PGAP1: variants seen among roughly 807,000 people sequenced by gnomAD.
PGAP1 encodes GPI inositol-deacylase.
A neutral mutation model predicts 127.0 loss-of-function variants in PGAP1; 76 were observed. That is an observed-to-expected ratio of 0.60 (90% CI 0.50 to 0.72). The LOEUF is 0.72. Among genes scored for constraint, PGAP1 ranks in the 30% least tolerant of loss-of-function variants. The probability of loss-of-function intolerance (pLI) is 0.00; values close to 1 mark genes in which losing one functional copy is unlikely to be tolerated. For synonymous variants in PGAP1, 362 were observed against 366.5 expected, an observed-to-expected ratio of 0.99 and a Z score of 0.14; for missense variants, 982 against 1,071.3, an observed-to-expected ratio of 0.92 and a Z score of 1.16.
At chr2:196,859,681 T>A (rs1325522878) in intron 20 of PGAP1, among the ~76,000 whole-genome samples, 1 of 152,230 alleles carries the variant, frequency 6.6e-6, no homozygotes, top group African/African-American at 2.4e-5. Flanking sequence ...TGAAGTGGGA[T>A]TCATCCTAGG....
chr2:196,915,035 A>G (rs1299843611), intron 3 of PGAP1, among the ~76,000 whole-genome samples: 3 of 152,124 alleles, frequency 2.0e-5, no homozygotes, highest in Admixed American at 1.3e-4. Context: ...CTAGGCTACA[A>G]TGGTCAATTA....
At chr2:196,922,015 T>A (rs1264095642) in intron 1 of PGAP1, 3 of 447,518 alleles carry the variant, frequency 6.7e-6, no homozygotes, top group African/African-American at 2.2e-5. Flanking sequence ...AGGAAAATAC[T>A]TACAGGAGCA....
intron 16 of PGAP1, 92 bp from the exon 17 acceptor site, chr2:196,873,118 C>T: frequency 2.0e-6 from 1 of 488,858 alleles, no homozygotes; most frequent in South Asian, 3.9e-5. Flanking sequence ...ATACAATTGT[C>T]CATTTCATTA....
rs1702306920 is a variant in PGAP1 at position 196,897,151 on chromosome 2, T to C, written c.907A>G (p.Ile303Val). The change falls in exon 7 of 27, where the codon ATT becomes GTT. Residue 303 changes from isoleucine (I) to valine (V), a missense_variant. By Grantham distance (29) the Ile-to-Val change is conservative. Transcript: ENST00000354764. ...CATACTTGTTTAGTATCAGCATCAA[T>C]AAGATCAAAGAATGCTCGAACTGTA... The part of the protein sequence containing the change: ...LTTVRAFFDL[I>V]DADTKQITQN... 1.9e-6 allele frequency: 3 copies of C among 1,578,296 alleles called. No homozygotes were observed. The highest frequency in any genetic ancestry group is 2.6e-6 in the Non-Finnish European group (3 of 1,156,968).
chr2:196,851,010 T>C (rs940873825), intron 20 of PGAP1, among the ~76,000 whole-genome samples: 2 of 151,720 alleles, frequency 1.3e-5, no homozygotes, highest in African/African-American at 2.4e-5. Flanking sequence ...ACTCCAAACA[T>C]AGAAAATGCA....
At chr2:196,899,416 C>G (rs1702400517) in intron 5 of PGAP1, among the ~76,000 whole-genome samples, 1 of 152,092 alleles carries the variant, frequency 6.6e-6, no homozygotes, top group Non-Finnish European at 1.5e-5. Flanking sequence ...CTTGTAAGTA[C>G]TTGATATATT....
chr2:196,872,915 A>C (rs113941608), intron 17 of PGAP1, 45 bp downstream of exon 17: 5 of 714,848 alleles, frequency 7.0e-6, no homozygotes. Flanking sequence ...AATATCTATT[A>C]TTCAAAAACA....
In PGAP1 at chr2:196,837,271, G is replaced by A. The variant is rs538710992; in HGVS notation, c.*3963C>T. On this transcript the variant is annotated 3_prime_UTR_variant, in exon 27 of 27. Transcript: ENST00000354764. ...CTTTTATTTCCCTTGGCCACAAAGG[G>A]TGCTAATAAACAGCAAGATGAAATG... 1.3e-5 allele frequency: 2 copies of A among 152,254 alleles called. No individual in the cohort carries two copies. Among genetic ancestry groups the A allele is most frequent in the South Asian group, 4.2e-4 (2 of 4,814 alleles). 9.4% of individuals were successfully genotyped at this position (152,254 alleles called of 1,614,324 possible).
chr2:196,883,412 GC>G (rs1156657530), intron 12 of PGAP1, among the ~76,000 whole-genome samples: 1 of 152,162 alleles, frequency 6.6e-6, no homozygotes, highest in African/African-American at 2.4e-5. Flanking sequence ...CCCCGACTTA[GC>G]AAAGTCCCTG....
At position 196,836,753 on chromosome 2, in the gene PGAP1, T is replaced by C. The variant is rs1209797987; in HGVS notation, c.*4481A>G. On this transcript the variant is annotated 3_prime_UTR_variant, in exon 27 of 27. Transcript: ENST00000354764. ...AACTTACTATGCTGTAAAAGTCCCTTCTACATTTACCTTACTAGGAAAGAA... is the reference window on the plus strand; with the variant it reads ...AACTTACTATGCTGTAAAAGTCCCTCCTACATTTACCTTACTAGGAAAGAA... The C allele has an allele frequency of 6.6e-6, 1 of 152,168 alleles. No homozygotes were observed. Among genetic ancestry groups the C allele is most frequent in the African/African-American group, 2.4e-5 (1 of 41,452 alleles). 9.4% of individuals were successfully genotyped at this position (152,168 alleles called of 1,614,324 possible).
At chr2:196,858,027 A>G (rs934859317) in intron 20 of PGAP1, among the ~76,000 whole-genome samples, 1 of 149,452 alleles carries the variant, frequency 6.7e-6, no homozygotes, top group African/African-American at 2.5e-5. Flanking sequence ...TTGTTATTTA[A>G]GTTGACAAAA....
At position 196,839,452 on chromosome 2, in the gene PGAP1, A is replaced by G. The variant is rs1700344494; in HGVS notation, c.*1782T>C. On this transcript the variant is annotated 3_prime_UTR_variant, in exon 27 of 27. Coordinates refer to ENST00000354764, the MANE Select transcript of PGAP1 (RefSeq NM_024989.4). The stretch of plus-strand genomic sequence containing the variant: ...TCTTTCCTCTCCAGCTGAAACATAT[A>G]GCACTTTGTATTTTATCTCTTCTGC... 1 of 152,222 alleles carries G rather than the reference A, an allele frequency of 6.6e-6. No individual in the cohort carries two copies. 9.4% of individuals were successfully genotyped at this position (152,222 alleles called of 1,614,324 possible).
At chr2:196,865,795 A>G (rs1701220615) in intron 19 of PGAP1, among the ~76,000 whole-genome samples, 1 of 152,060 alleles carries the variant, frequency 6.6e-6, no homozygotes, top group Non-Finnish European at 1.5e-5. Flanking sequence ...TAAAATACAT[A>G]TAATAACAAA....
chr2:196,882,293 G>C (rs1701759302), intron 12 of PGAP1, among the ~76,000 whole-genome samples: 1 of 152,136 alleles, frequency 6.6e-6, no homozygotes, highest in African/African-American at 2.4e-5. Context: ...GATGCCTCCA[G>C]CTTTGTTCTT....
intron 20 of PGAP1, among the ~76,000 whole-genome samples, chr2:196,848,480 CCT>C (rs1299841217): frequency 1.3e-5 from 2 of 152,158 alleles, no homozygotes; most frequent in Admixed American, 6.5e-5. Context: ...AAATTCCCAT[CCT>C]TTGGCAACCA....
chr2:196,925,557 G>T (rs1385024497), intron 1 of PGAP1, among the ~76,000 whole-genome samples: 1 of 152,158 alleles, frequency 6.6e-6, no homozygotes, highest in African/African-American at 2.4e-5. Context: ...TCTTTTTACA[G>T]CTAGTCATGA....
chr2:196,893,579 A>G (rs1423646319), intron 7 of PGAP1, among the ~76,000 whole-genome samples: 1 of 152,214 alleles, frequency 6.6e-6, no homozygotes, highest in Non-Finnish European at 1.5e-5. Flanking sequence ...CTCAAGTAAC[A>G]TTTAAGAATA....
chr2:196,874,042 C>T (rs1701483666), intron 14 of PGAP1: 2 of 249,142 alleles, frequency 8.0e-6, no homozygotes, highest in Non-Finnish European at 1.5e-5. Flanking sequence ...ATTTTACAAG[C>T]TTCTTATCTT....
chr2:196,862,733 G>C (rs967950902), intron 20 of PGAP1, among the ~76,000 whole-genome samples: 2 of 152,130 alleles, frequency 1.3e-5, no homozygotes, highest in Non-Finnish European at 2.9e-5. Context: ...TATCGGGGCA[G>C]GTTCCCTGAT....
Sources: allele counts gnomAD v4.1 joint callset (sites outside exome capture counted in the v4.1 genomes callset), GRCh38; gene constraint gnomAD v4.1.1; transcripts MANE v1.5; gene names NCBI Gene and HGNC (gene_info 2026-07-23, HGNC 2026-07-21).